The following SCML1 variants were observed in gnomAD, a reference collection of about 807,000 sequenced individuals.
SCML1 encodes the protein sex comb on midleg-like protein 1.
For missense variants in SCML1, 137 were observed against 258.1 expected, an observed-to-expected ratio of 0.53 and a Z score of 3.22; for synonymous variants, 104 against 103.6, an observed-to-expected ratio of 1.00 and a Z score of -0.02.
At chrX:17,738,754 C>G (rs948010728) in intron 1 of SCML1, among the ~76,000 whole-genome samples, 1 of 111,930 alleles carries the variant, frequency 8.9e-6, no homozygotes, top group African/African-American at 3.3e-5. Context: ...TAAAAAAAGT[C>G]TTTTAGAAAA....
At chrX:17,749,810 G>A in intron 5 of SCML1, 84 bp from the exon 6 acceptor site, 1 of 899,666 alleles carries the variant, frequency 1.1e-6, no homozygotes, top group Non-Finnish European at 1.5e-6. Context: ...ATGTTGCATG[G>A]AAAATAAGTA....
In SCML1 at chrX:17,749,848, A is replaced by G. The variant is rs761616849; in HGVS notation, c.304-46A>G. ...AATGTATTTGCTACTAATTTTATTT[A>G]CTTTTTTACTCACTGTTGGTTTATG... On this transcript the variant is annotated intron_variant, in intron 5 of 7. Transcript: ENST00000380041. 13 of 1,103,764 alleles carry G rather than the reference A, an allele frequency of 1.2e-5. No homozygotes were observed. In the South Asian group the frequency reaches 1.9e-4, roughly 16 times the overall value. 91.0% of individuals were successfully genotyped at this position (1,103,764 alleles called of 1,213,427 possible). A position where few individuals can be genotyped will look rare whatever the true frequency, so the allele number is the denominator to read the frequency against.
At chrX:17,750,702 G>T in intron 6 of SCML1, among the ~76,000 whole-genome samples, 1 of 111,943 alleles carries the variant, frequency 8.9e-6, no homozygotes, top group South Asian at 3.7e-4. Context: ...CTGCCCCATT[G>T]TGCTTTTCCA....
At chrX:17,751,416 A>G (rs767028167) in intron 6 of SCML1, among the ~76,000 whole-genome samples, 2 of 112,469 alleles carry the variant, frequency 1.8e-5, no homozygotes, top group Non-Finnish European at 3.8e-5. Context: ...AGATAGATTA[A>G]GAGAGAAATT....
chrX:17,747,464 C>G (rs1298987381), intron 4 of SCML1, among the ~76,000 whole-genome samples: 1 of 112,011 alleles, frequency 8.9e-6, no homozygotes, highest in Non-Finnish European at 1.9e-5. Flanking sequence ...GAATGTCATT[C>G]ATACTTGCTG....
chrX:17,739,773 C>T (rs1443689842), intron 1 of SCML1, among the ~76,000 whole-genome samples: 4 of 98,331 alleles, frequency 4.1e-5, no homozygotes, highest in Non-Finnish European at 6.0e-5. Flanking sequence ...TGCTTTAACC[C>T]GGGAGGCAGA....
At position 17,745,437 on chromosome X, in the gene SCML1, G is replaced by T. The variant is rs1417996150; in HGVS notation, c.34-19G>T. Reference sequence around the variant, plus strand: ...TGTCTTTCATCTTCCCTTTTAATTTGTTGGTAAATTTTCCTCAGATAAAAA... The same window carrying T: ...TGTCTTTCATCTTCCCTTTTAATTTTTTGGTAAATTTTCCTCAGATAAAAA... On this transcript the variant is annotated intron_variant, in intron 2 of 7. Transcript: ENST00000380041. The T allele has an allele frequency of 2.0e-6, 2 of 981,599 alleles. No individual in the cohort carries two copies. The highest frequency in any genetic ancestry group is 4.1e-5 in the South Asian group (2 of 48,465). The allele number at this position is 981,599 out of a possible 1,213,427, so 80.9% of individuals were successfully genotyped here.
chrX:17,749,480 T>C lies in SCML1; in HGVS notation c.279T>C (p.His93=). 1 of 1,176,565 alleles carries C rather than the reference T, an allele frequency of 8.5e-7. No homozygotes were observed. Among genetic ancestry groups the C allele is most frequent in the Non-Finnish European group, 1.2e-6 (1 of 867,134 alleles). The change falls in exon 5 of 8, where the codon CAT becomes CAC. Residue 93 remains histidine (H), a synonymous_variant. Coordinates refer to ENST00000380041, the MANE Select transcript of SCML1 (RefSeq NM_001037540.3). ...RRKVSKIQRF[H]ARSLWTNHKR... is the part of the protein sequence containing the mutation. ...AGGTTTCAAAAATCCAACGTTTCCA[T>C]GCGAGATCCCTGTGGACAAATCATG...
intron 1 of SCML1, among the ~76,000 whole-genome samples, chrX:17,738,246 G>C (rs1262160814): frequency 2.7e-5 from 3 of 112,188 alleles, no homozygotes; most frequent in Non-Finnish European, 5.6e-5. Flanking sequence ...GAGTCCCTTT[G>C]GAGTGGGGGA....
chrX:17,749,981 T>C lies in SCML1; in HGVS notation c.391T>C (p.Phe131Leu). ...KMKKNEVYETFSYPESYSPTL... is the reference protein window; with the variant it reads ...KMKKNEVYETLSYPESYSPTL... Reference sequence around the variant, plus strand: ...GAAGAAAAATGAGGTTTACGAGACATTCTCCTACCCTGAAAGTTACAGCCC... The same window carrying C: ...GAAGAAAAATGAGGTTTACGAGACACTCTCCTACCCTGAAAGTTACAGCCC... The change falls in exon 6 of 8, where the codon TTC (phenylalanine) becomes CTC (leucine). Residue 131 changes from phenylalanine to leucine, a missense_variant. By Grantham distance (22) the Phe-to-Leu change is conservative. Coordinates refer to ENST00000380041, the MANE Select transcript of SCML1 (RefSeq NM_001037540.3). The C allele has an allele frequency of 3.3e-6, 4 of 1,210,934 alleles. No individual in the cohort carries two copies. Among genetic ancestry groups the C allele is most frequent in the Non-Finnish European group, 4.5e-6 (4 of 894,792 alleles).
At chrX:17,751,721 G>A in intron 6 of SCML1, 94 bp from the exon 7 acceptor site, 5 of 948,818 alleles carry the variant, frequency 5.3e-6, no homozygotes. Flanking sequence ...CCAACAAAGA[G>A]AGCATTCCTC....
At chrX:17,738,468 C>A (rs769270804) in intron 1 of SCML1, among the ~76,000 whole-genome samples, 23 of 112,642 alleles carry the variant, frequency 2.0e-4, no homozygotes, top group Non-Finnish European at 2.8e-4. Context: ...GCTGGGTGCC[C>A]TTTTGGGCCT....
rs776530197 is a variant in SCML1 at position 17,752,285 on chromosome X, C to G, written c.855+319C>G. 5.4e-5 allele frequency among the ~76,000 whole-genome samples: 6 copies of G among 111,874 alleles called. No individual in the cohort carries two copies. In the South Asian group the frequency reaches 2.3e-3, roughly 42 times the overall value. ...CCCCTATCTGCTCCCAGCTGGGCAC[C>G]AGGACCACGAGGAGGAGGGGGTAAC... is the stretch of plus-strand genomic sequence containing the variant. On this transcript the variant is annotated intron_variant, in intron 7 of 7. Transcript: ENST00000380041.
At chrX:17,740,919 G>C (rs761925166) in intron 1 of SCML1, among the ~76,000 whole-genome samples, 1 of 112,482 alleles carries the variant, frequency 8.9e-6, no homozygotes, top group South Asian at 3.7e-4. Flanking sequence ...TGGGAGTCCA[G>C]TGGTGGACTC....
At chrX:17,752,344 T>G (rs2066719373) in intron 7 of SCML1, among the ~76,000 whole-genome samples, 1 of 112,216 alleles carries the variant, frequency 8.9e-6, no homozygotes, top group East Asian at 2.8e-4. Context: ...TCGTTTTATA[T>G]AACCAGTGAT....
chrX:17,748,521 C>T (rs2066666860), intron 4 of SCML1, among the ~76,000 whole-genome samples: 1 of 111,020 alleles, frequency 9.0e-6, no homozygotes, highest in Non-Finnish European at 1.9e-5. Context: ...CTTTTTTTTT[C>T]GGTCCATGTT....
chrX:17,746,004 T>G lies in SCML1; in HGVS notation c.118-14T>G. The G allele has an allele frequency of 8.9e-7, 1 of 1,117,806 alleles. No homozygotes were observed. The allele number at this position is 1,117,806 out of a possible 1,213,427, so 92.1% of individuals were successfully genotyped here. A position where few individuals can be genotyped will look rare whatever the true frequency, so the allele number is the denominator to read the frequency against. ...ACAGAAATAAATCATTAACTACTTTTAAAATATTAGCAGGAACCGAATATT... is the reference window on the plus strand; with the variant it reads ...ACAGAAATAAATCATTAACTACTTTGAAAATATTAGCAGGAACCGAATATT... On this transcript the variant is annotated splice_polypyrimidine_tract_variant and intron_variant, in intron 3 of 7. Coordinates refer to ENST00000380041, the MANE Select transcript of SCML1 (RefSeq NM_001037540.3).
chrX:17,752,106 C>A, intron 7 of SCML1, 140 bp downstream of exon 7: 1 of 648,116 alleles, frequency 1.5e-6, no homozygotes, highest in Non-Finnish European at 2.3e-6. Context: ...TTATTTTGCC[C>A]AAGGTTAGCC....
intron 1 of SCML1, among the ~76,000 whole-genome samples, chrX:17,739,869 A>G (rs2066578048): frequency 1.1e-5 from 1 of 94,829 alleles, no homozygotes; most frequent in Admixed American, 1.4e-4. Flanking sequence ...AAAAAAAAAA[A>G]AGAAATTTAG....
Sources: allele counts gnomAD v4.1 joint callset (sites outside exome capture counted in the v4.1 genomes callset), GRCh38; gene constraint gnomAD v4.1.1; transcripts MANE v1.5; gene names NCBI Gene and HGNC (gene_info 2026-07-23, HGNC 2026-07-21).